PDE1A: variants seen among roughly 807,000 people sequenced by gnomAD.
PDE1A encodes phosphodiesterase 1A.
PDE1A carries 35 observed loss-of-function variants against 61.7 expected under a neutral mutation model. That is an observed-to-expected ratio of 0.57 (90% CI 0.43 to 0.75). The LOEUF (loss-of-function observed/expected upper bound fraction) is 0.75, where lower values mean the gene tolerates loss of function less well. Ranked by LOEUF, PDE1A falls within the 30% of genes least tolerant of loss-of-function variation. PDE1A has a pLI of 0.00. For missense variants in PDE1A, 597 were observed against 630.6 expected (o/e 0.95, Z 0.57); for synonymous variants, 232 against 213.2 (o/e 1.09, Z -0.77).
At chr2:182,648,200 C>T in the PDE1A span, among the ~76,000 whole-genome samples, 1 of 152,108 alleles carries the variant, frequency 6.6e-6, no homozygotes, top group Non-Finnish European at 1.5e-5. Flanking sequence ...TGAGCTAGCA[C>T]TGTAGCTAAA....
chr2:182,441,855 T>G (rs1559466923), intron 2 of PDE1A, among the ~76,000 whole-genome samples: 1 of 152,044 alleles, frequency 6.6e-6, no homozygotes, highest in Non-Finnish European at 1.5e-5. Context: ...ATAGCAATGT[T>G]TTATGTCTTA....
At chr2:182,498,267 TAGA>T (rs1370485357) in intron 2 of PDE1A, among the ~76,000 whole-genome samples, 3 of 152,026 alleles carry the variant, frequency 2.0e-5, no homozygotes, top group Non-Finnish European at 2.9e-5. Flanking sequence ...TCTATTCATA[TAGA>T]AGAAGAATTG....
intron 3 of PDE1A, among the ~76,000 whole-genome samples, chr2:182,238,593 G>A (rs1690253878): frequency 3.3e-5 from 5 of 152,166 alleles, no homozygotes; most frequent in Admixed American, 3.3e-4. Flanking sequence ...GATTGAAGAT[G>A]ATTACTTTTG....
intron 11 of PDE1A, among the ~76,000 whole-genome samples, chr2:182,187,660 A>G (rs1685324123): frequency 6.6e-6 from 1 of 151,984 alleles, no homozygotes; most frequent in Non-Finnish European, 1.5e-5. Context: ...CAGTAGTTTT[A>G]ATGGATGCCT....
the PDE1A span, among the ~76,000 whole-genome samples, chr2:182,586,327 T>C: frequency 6.6e-6 from 1 of 152,136 alleles, no homozygotes; most frequent in African/African-American, 2.4e-5. Flanking sequence ...GCCTGAACCT[T>C]GTGCACTACT....
rs148358464 is a variant in PDE1A at position 182,264,878 on chromosome 2, C to CATATATATATATATATATATATATAT, written c.54-465_54-464insATATATATATATATATATATATATAT. Among the ~76,000 whole-genome samples the CATATATATATATATATATATATATAT allele has an allele frequency of 6.2e-3, 659 of 106,726 alleles. 46 individuals carry two copies. Among genetic ancestry groups the CATATATATATATATATATATATATAT allele is most frequent in the African/African-American group, 0.015 (398 of 27,018 alleles). The allele number at this position is 106,726 out of a possible 152,430, so 70.0% of individuals were successfully genotyped here. A position where few individuals can be genotyped will look rare whatever the true frequency, so the allele number is the denominator to read the frequency against. ...ATAAAGAAAATGTGGTATATATATA[C>CATATATATATATATATATATATATAT]ATATATATATATATGTATATATATA... On this transcript the variant is annotated intron_variant, in intron 1 of 13. Coordinates refer to ENST00000351439, the Ensembl canonical transcript of PDE1A.
intron 1 of PDE1A, among the ~76,000 whole-genome samples, chr2:182,295,715 C>G (rs1183999504): frequency 3.3e-5 from 5 of 152,010 alleles, no homozygotes; most frequent in African/African-American, 1.2e-4. Context: ...AAATTTGTCT[C>G]TTTGTAAAAT....
intron 13 of PDE1A, among the ~76,000 whole-genome samples, chr2:182,173,063 C>G (rs1351552664): frequency 2.6e-5 from 4 of 152,010 alleles, no homozygotes; most frequent in African/African-American, 9.7e-5. Context: ...CATTTCCTGA[C>G]TTCAGCCTGC....
At chr2:182,322,552 A>C (rs1696762505) in intron 1 of PDE1A, among the ~76,000 whole-genome samples, 1 of 152,174 alleles carries the variant, frequency 6.6e-6, no homozygotes, top group Admixed American at 6.6e-5. Context: ...GAGTCCATTA[A>C]ACCTCTTTTT....
chr2:182,278,966 A>G (rs896191265), intron 1 of PDE1A, among the ~76,000 whole-genome samples: 2 of 152,022 alleles, frequency 1.3e-5, no homozygotes, highest in African/African-American at 4.8e-5. Context: ...ATTGAAGTTC[A>G]TTTCTTTTCC....
intron 2 of PDE1A, among the ~76,000 whole-genome samples, chr2:182,450,153 T>C (rs1408218427): frequency 6.6e-6 from 1 of 152,062 alleles, no homozygotes; most frequent in Non-Finnish European, 1.5e-5. Context: ...TCATCATCAC[T>C]GGTATTATCT....
intron 1 of PDE1A, among the ~76,000 whole-genome samples, chr2:182,379,741 T>A (rs371470957): frequency 7.4e-4 from 113 of 152,332 alleles, no homozygotes; most frequent in African/African-American, 2.6e-3. Context: ...TATTTTTCTT[T>A]CCAAAAGTGG....
intron 10 of PDE1A, among the ~76,000 whole-genome samples, chr2:182,198,882 T>C (rs547022392): frequency 3.3e-5 from 5 of 152,088 alleles, no homozygotes; most frequent in Admixed American, 3.3e-4. Flanking sequence ...ACTGGCATTA[T>C]TTCTTCCTGA....
the PDE1A span, among the ~76,000 whole-genome samples, chr2:182,608,476 G>A: frequency 2.0e-5 from 3 of 152,180 alleles, no homozygotes; most frequent in South Asian, 6.2e-4. Context: ...GCGCAGGTGG[G>A]AACCTGGGCT....
intron 13 of PDE1A, among the ~76,000 whole-genome samples, chr2:182,171,595 G>T (rs1369157270): frequency 6.6e-6 from 1 of 151,728 alleles, no homozygotes; most frequent in Non-Finnish European, 1.5e-5. Context: ...TGTTCTTCAA[G>T]GTGTAAGGTT....
the PDE1A span, among the ~76,000 whole-genome samples, chr2:182,577,990 A>AGGG: frequency 1.4e-3 from 191 of 137,614 alleles, 3 homozygotes; most frequent in African/African-American, 5.1e-3. Flanking sequence ...GGAAGGAAGG[A>AGGG]AGGGACGGAG....
chr2:182,355,219 A>C (rs1186761130), intron 1 of PDE1A, among the ~76,000 whole-genome samples: 1 of 151,982 alleles, frequency 6.6e-6, no homozygotes, highest in Non-Finnish European at 1.5e-5. Flanking sequence ...GCTGAATTAT[A>C]CTAAAATAAA....
chr2:182,412,897 T>G (rs1702700995), intron 1 of PDE1A, among the ~76,000 whole-genome samples: 1 of 152,200 alleles, frequency 6.6e-6, no homozygotes, highest in Admixed American at 6.5e-5. Flanking sequence ...AATAAAGTAC[T>G]ACTGCCATGC....
chr2:182,449,049 TACACACACACACACAC>T (rs200893342), intron 2 of PDE1A, among the ~76,000 whole-genome samples: 2 of 90,574 alleles, frequency 2.2e-5, no homozygotes, highest in Non-Finnish European at 5.5e-5. Flanking sequence ...ATCATACACA[TACACACACACACACAC>T]ACACACACAC....
Sources: allele counts gnomAD v4.1 joint callset (sites outside exome capture counted in the v4.1 genomes callset), GRCh38; gene constraint gnomAD v4.1.1; transcripts MANE v1.5; gene names NCBI Gene and HGNC (gene_info 2026-07-23, HGNC 2026-07-21).